CCSER1: variants seen among roughly 807,000 people sequenced by gnomAD.
CCSER1 encodes coiled-coil serine rich protein 1.
Under a neutral mutation model 82.0 loss-of-function variants are expected in CCSER1, and 41 were observed. The observed-to-expected ratio is 0.50, with a 90% CI of 0.39 to 0.65. The LOEUF (loss-of-function observed/expected upper bound fraction) is 0.65, where lower values mean the gene tolerates loss of function less well. Among genes scored for constraint, CCSER1 ranks in the 30% least tolerant of loss-of-function variants. The pLI, the probability that CCSER1 is intolerant of heterozygous loss-of-function variation, is 0.00. For synonymous variants in CCSER1, 414 were observed against 383.9 expected, an observed-to-expected ratio of 1.08 and a Z score of -0.92; for missense variants, 1,119 against 1,064.2, an observed-to-expected ratio of 1.05 and a Z score of -0.72.
At chr4:90,977,497 A>G (rs996823603) in intron 9 of CCSER1, among the ~76,000 whole-genome samples, 28 of 151,582 alleles carry the variant, frequency 1.8e-4, no homozygotes, top group African/African-American at 6.1e-4. Flanking sequence ...TTCAAATTGC[A>G]TATACTGGCA....
At chr4:90,636,506 T>A (rs1469385834) in intron 6 of CCSER1, among the ~76,000 whole-genome samples, 2 of 152,048 alleles carry the variant, frequency 1.3e-5, no homozygotes, top group East Asian at 1.9e-4. Flanking sequence ...TGTAGCAATA[T>A]GTAAATAATG....
At chr4:91,208,411 G>A (rs146286517) in intron 10 of CCSER1, among the ~76,000 whole-genome samples, 1 of 151,822 alleles carries the variant, frequency 6.6e-6, no homozygotes, top group Non-Finnish European at 1.5e-5. Flanking sequence ...TGTATTTGGT[G>A]TAAGGAAGTG....
chr4:90,262,510 AT>A (rs1405001918), intron 1 of CCSER1, among the ~76,000 whole-genome samples: 1 of 152,120 alleles, frequency 6.6e-6, no homozygotes, highest in Non-Finnish European at 1.5e-5. Context: ...TAAAATTTTA[AT>A]TAGTTTTTTC....
rs1560717152 is a variant in CCSER1, at chr4:91,496,786, TTG to T, written c.2218-101785_2218-101784del. Among the ~76,000 whole-genome samples the T allele has an allele frequency of 1.4e-3, 124 of 87,838 alleles. 24 individuals are homozygous for T. Among genetic ancestry groups the T allele is most frequent in the African/African-American group, 4.5e-3 (120 of 26,726 alleles). 57.6% of individuals were successfully genotyped at this position (87,838 alleles called of 152,430 possible). A position where few individuals can be genotyped will look rare whatever the true frequency, so the allele number is the denominator to read the frequency against. On this transcript the variant is annotated intron_variant, in intron 10 of 10. Transcript: ENST00000509176. The stretch of plus-strand genomic sequence containing the variant: ...ATATTCAATATATATTGAATATATA[TTG>T]AATATATATTTGAATATATATATAT...
intron 10 of CCSER1, among the ~76,000 whole-genome samples, chr4:91,098,755 G>C (rs1298144960): frequency 6.6e-6 from 1 of 151,910 alleles, no homozygotes; most frequent in Non-Finnish European, 1.5e-5. Flanking sequence ...GTTAGCCAGG[G>C]TGGTCTGGAT....
intron 10 of CCSER1, among the ~76,000 whole-genome samples, chr4:91,147,846 C>T (rs1021537505): frequency 6.6e-6 from 1 of 152,170 alleles, no homozygotes; most frequent in Non-Finnish European, 1.5e-5. Context: ...ACACTGAAAA[C>T]ATTAATTGAA....
Position 91,602,273 on chromosome 4 carries a change from C to A in CCSER1, c.*3216C>A, listed in dbSNP as rs185341187. Among the ~76,000 whole-genome samples, 1 of 152,034 alleles carries A rather than the reference C, an allele frequency of 6.6e-6. No homozygotes were observed. The highest frequency in any genetic ancestry group is 1.9e-4 in the East Asian group (1 of 5,186). On this transcript the variant is annotated 3_prime_UTR_variant, in exon 11 of 11. Transcript: ENST00000509176. ...TAATCCTAACTCATTGTCATTATTT[C>A]CTGAATGTTGAACTCCCATTATAGG...
At chr4:91,573,839 C>T (rs1763308553) in intron 10 of CCSER1, among the ~76,000 whole-genome samples, 1 of 152,094 alleles carries the variant, frequency 6.6e-6, no homozygotes, top group Non-Finnish European at 1.5e-5. Flanking sequence ...GGGCACTCCC[C>T]ACCCAGTTCT....
chr4:91,130,775 T>C (rs1261679476), intron 10 of CCSER1, among the ~76,000 whole-genome samples: 1 of 151,780 alleles, frequency 6.6e-6, no homozygotes, highest in Non-Finnish European at 1.5e-5. Flanking sequence ...AGGAAGGAAA[T>C]AACCAATTAT....
intron 8 of CCSER1, among the ~76,000 whole-genome samples, chr4:90,827,656 G>A (rs1033189623): frequency 1.3e-5 from 2 of 152,040 alleles, no homozygotes; most frequent in African/African-American, 4.8e-5. Flanking sequence ...ATTATTACTT[G>A]TAAAATCATG....
At chr4:90,409,232 C>T (rs1754271117) in intron 4 of CCSER1, among the ~76,000 whole-genome samples, 1 of 152,152 alleles carries the variant, frequency 6.6e-6, no homozygotes, top group South Asian at 2.1e-4. Flanking sequence ...GACAACTTCC[C>T]CAATCTAGCA....
At chr4:90,737,130 A>C (rs1467469705) in intron 7 of CCSER1, among the ~76,000 whole-genome samples, 1 of 152,072 alleles carries the variant, frequency 6.6e-6, no homozygotes, top group Admixed American at 6.6e-5. Flanking sequence ...TTTTCTACCC[A>C]AGTTATGAGT....
intron 10 of CCSER1, among the ~76,000 whole-genome samples, chr4:91,178,939 C>T (rs1374000463): frequency 1.3e-5 from 2 of 152,080 alleles, no homozygotes; most frequent in African/African-American, 4.8e-5. Flanking sequence ...TGGCTGGTAC[C>T]AGTTGTTCCT....
intron 10 of CCSER1, among the ~76,000 whole-genome samples, chr4:91,499,876 A>G (rs1759113997): frequency 6.6e-6 from 1 of 152,014 alleles, no homozygotes; most frequent in African/African-American, 2.4e-5. Context: ...CTGTTCATCT[A>G]CTGAAGAACA....
At chr4:91,520,305 C>CT (rs35328076) in intron 10 of CCSER1, among the ~76,000 whole-genome samples, 94,158 of 146,182 alleles carry the variant, frequency 0.64, 30,095 homozygotes, top group East Asian at 0.73. Context: ...AAAACTGTTT[C>CT]TTTTTTTTTT....
chr4:91,348,454 G>T (rs1454261313), intron 10 of CCSER1, among the ~76,000 whole-genome samples: 2 of 152,096 alleles, frequency 1.3e-5, no homozygotes, highest in African/African-American at 4.8e-5. Flanking sequence ...TAACTGATTT[G>T]TCTGGTTCTG....
At chr4:91,421,339 A>G (rs1753672504) in intron 10 of CCSER1, among the ~76,000 whole-genome samples, 1 of 152,194 alleles carries the variant, frequency 6.6e-6, no homozygotes, top group African/African-American at 2.4e-5. Flanking sequence ...CCTGAGAACC[A>G]GAGAAACAGC....
At chr4:90,301,914 CAT>C (rs996270563) in intron 1 of CCSER1, among the ~76,000 whole-genome samples, 2 of 152,110 alleles carry the variant, frequency 1.3e-5, no homozygotes, top group African/African-American at 4.8e-5. Context: ...GCTATGATGA[CAT>C]ATTGTTTCAT....
rs570038427 is a variant in CCSER1 at position 91,228,986 on chromosome 4, G to C, written c.2217+142992G>C. ...TTTATTTGTAACATCAGTAATCTGA[G>C]CAAGATAGCTTTGGGAGCATTCTAT... On this transcript the variant is annotated intron_variant, in intron 10 of 10. Transcript: ENST00000509176. 3.4e-4 allele frequency among the ~76,000 whole-genome samples: 52 copies of C among 152,146 alleles called. No individual in the cohort carries two copies. The East Asian group carries it at 9.3e-3, about 27-fold the overall frequency.
Sources: gnomAD v4.1 joint callset for allele counts (sites outside exome capture counted in the v4.1 genomes callset) on GRCh38, gnomAD v4.1.1 for gene constraint, MANE v1.5 for transcripts, NCBI Gene and HGNC (gene_info 2026-07-23, HGNC 2026-07-21) for gene names.